The following GRIK4 variants were observed in gnomAD, a reference collection of about 807,000 sequenced individuals.
GRIK4 encodes glutamate ionotropic receptor kainate type subunit 4.
A neutral mutation model predicts 104.9 loss-of-function variants in GRIK4; 40 were observed. That is an observed-to-expected ratio of 0.38 (90% confidence interval 0.30 to 0.50). GRIK4 has a LOEUF of 0.50. Among genes scored for constraint, GRIK4 ranks in the 20% least tolerant of loss-of-function variants. The probability of loss-of-function intolerance (pLI) is 0.93; values close to 1 mark genes in which losing one functional copy is unlikely to be tolerated. For synonymous variants in GRIK4, 485 were observed against 524.9 expected (o/e 0.92, Z 1.04); for missense variants, 1,047 against 1,308.1 (o/e 0.80, Z 3.08).
At chr11:120,837,520 C>T (rs1010949055) in intron 8 of GRIK4, among the ~76,000 whole-genome samples, 1 of 152,156 alleles carries the variant, frequency 6.6e-6, no homozygotes, top group Non-Finnish European at 1.5e-5. Context: ...CTAGCGTGCA[C>T]ATAGATGAAA....
At chr11:120,805,874 C>T (rs1591936412) in intron 4 of GRIK4, among the ~76,000 whole-genome samples, 1 of 152,074 alleles carries the variant, frequency 6.6e-6, no homozygotes, top group African/African-American at 2.4e-5. Context: ...GGAGGAGAGC[C>T]CACAGCTCTG....
chr11:120,713,019 G>A (rs1250620192), intron 3 of GRIK4, among the ~76,000 whole-genome samples: 3 of 152,168 alleles, frequency 2.0e-5, no homozygotes, highest in African/African-American at 7.2e-5. Context: ...GATGAGAGAG[G>A]CAGTGCCCAA....
At chr11:120,636,785 A>G (rs984688126) in intron 1 of GRIK4, among the ~76,000 whole-genome samples, 1 of 152,108 alleles carries the variant, frequency 6.6e-6, no homozygotes, top group Non-Finnish European at 1.5e-5. Flanking sequence ...GTTTGCAGTG[A>G]GCCAAGATCG....
intron 3 of GRIK4, among the ~76,000 whole-genome samples, chr11:120,782,426 C>T (rs1005065612): frequency 6.6e-6 from 1 of 152,052 alleles, no homozygotes; most frequent in Non-Finnish European, 1.5e-5. Context: ...GCTGGGACTA[C>T]AGGCGCCCAC....
intron 1 of GRIK4, among the ~76,000 whole-genome samples, chr11:120,580,354 C>A (rs1948562771): frequency 6.6e-6 from 1 of 151,856 alleles, no homozygotes; most frequent in Admixed American, 6.6e-5. Flanking sequence ...TGGCTCACTG[C>A]AATCTCCACC....
In GRIK4 at chr11:120,874,097, A is replaced by G. The variant is rs1442115313; in HGVS notation, c.938A>G (p.Tyr313Cys). ...TCGGCCCTGCTGTTTGATGCTGTCT[A>G]TGCTGTGGTGACTGCGGTGCAGGAA... ...LSSALLFDAVYAVVTAVQELN... is the reference protein window; with the variant it reads ...LSSALLFDAVCAVVTAVQELN... Residue 313 changes from tyrosine to cysteine, a missense_variant, in exon 10 of 21, where the codon TAT becomes TGT. Physicochemically the swap from Tyr to Cys is radical, Grantham distance 194. This residue lies in a region of GRIK4 where 447 missense variants were observed against 514.9 expected (regional missense o/e 0.87). Transcript: ENST00000527524. 8 of 1,613,066 alleles carry G rather than the reference A, an allele frequency of 5.0e-6. No individual in the cohort carries two copies. Among genetic ancestry groups the G allele is most frequent in the East Asian group, 4.5e-5 (2 of 44,836 alleles).
intron 1 of GRIK4, among the ~76,000 whole-genome samples, chr11:120,614,547 T>G (rs886816778): frequency 2.0e-5 from 3 of 152,288 alleles, no homozygotes; most frequent in South Asian, 4.1e-4. Context: ...CTGGCCAATC[T>G]GAACTACTGC....
At chr11:120,614,899 T>G (rs1274299236) in intron 1 of GRIK4, among the ~76,000 whole-genome samples, 1 of 152,100 alleles carries the variant, frequency 6.6e-6, no homozygotes, top group Admixed American at 6.6e-5. Context: ...CTCGGGAGGC[T>G]GAGGCAGGAG....
At chr11:120,759,113 C>A in intron 3 of GRIK4, among the ~76,000 whole-genome samples, 1 of 152,286 alleles carries the variant, frequency 6.6e-6, no homozygotes, top group East Asian at 1.9e-4. Flanking sequence ...TCCTGTGACA[C>A]TGCTATTTAT....
At chr11:120,877,457 A>C (rs1297651036) in intron 11 of GRIK4, among the ~76,000 whole-genome samples, 2 of 152,154 alleles carry the variant, frequency 1.3e-5, no homozygotes, top group Admixed American at 1.3e-4. Flanking sequence ...TAATTCCCTG[A>C]ATAGGTGAAG....
intron 3 of GRIK4, among the ~76,000 whole-genome samples, chr11:120,666,539 G>A (rs1040845683): frequency 5.3e-5 from 8 of 152,212 alleles, no homozygotes; most frequent in Admixed American, 3.9e-4. Context: ...GTTTTCTTAA[G>A]CATATTGTGA....
intron 1 of GRIK4, among the ~76,000 whole-genome samples, chr11:120,519,192 A>C (rs906068263): frequency 6.6e-6 from 1 of 152,190 alleles, no homozygotes; most frequent in Non-Finnish European, 1.5e-5. Context: ...ATAAGTATTC[A>C]ATGCTTATTA....
chr11:120,908,169 G>A (rs112990561), intron 13 of GRIK4, among the ~76,000 whole-genome samples: 66 of 152,222 alleles, frequency 4.3e-4, no homozygotes, highest in African/African-American at 1.5e-3. Flanking sequence ...GGTGGCCCAG[G>A]GAGGTTAGGT....
chr11:120,907,268 TGGG>T (rs1470023589), intron 13 of GRIK4, among the ~76,000 whole-genome samples: 1 of 152,178 alleles, frequency 6.6e-6, no homozygotes, highest in Non-Finnish European at 1.5e-5. Flanking sequence ...TTGGTCTCCT[TGGG>T]CTGCCTGATG....
chr11:120,838,474 G>A (rs915524868), intron 8 of GRIK4, among the ~76,000 whole-genome samples: 1 of 152,188 alleles, frequency 6.6e-6, no homozygotes, highest in Non-Finnish European at 1.5e-5. Flanking sequence ...GCATGAATGA[G>A]ATCAGCTTTG....
intron 20 of GRIK4, among the ~76,000 whole-genome samples, chr11:120,983,012 C>T (rs1338119155): frequency 6.6e-6 from 1 of 152,112 alleles, no homozygotes; most frequent in African/African-American, 2.4e-5. Flanking sequence ...ATGCGTAGAG[C>T]TTCATTTTAC....
intron 4 of GRIK4, among the ~76,000 whole-genome samples, chr11:120,807,230 T>G (rs1359175661): frequency 6.6e-6 from 1 of 152,230 alleles, no homozygotes; most frequent in Non-Finnish European, 1.5e-5. Flanking sequence ...CTACCTCCTC[T>G]GTTCCTATAG....
Position 120,874,060 on chromosome 11 carries a change from T to C in GRIK4, c.907-6T>C. On this transcript the variant is annotated splice_region_variant and splice_polypyrimidine_tract_variant and intron_variant, in intron 9 of 20. Transcript: ENST00000527524. ...CTCCCTCCGCCTGCTCCCCGGCCTC[T>C]CCCAGCTCTCCTCGGCCCTGCTGTT... 1.2e-6 allele frequency: 2 copies of C among 1,600,250 alleles called. No homozygotes were observed. The highest frequency in any genetic ancestry group is 4.5e-5 in the East Asian group (2 of 44,400).
At chr11:120,825,860 A>T (rs1196278298) in intron 6 of GRIK4, among the ~76,000 whole-genome samples, 1 of 152,220 alleles carries the variant, frequency 6.6e-6, no homozygotes, top group Non-Finnish European at 1.5e-5. Flanking sequence ...AACTCTGCTT[A>T]TGGCAGTGGG....
Sources: allele counts gnomAD v4.1 joint callset (sites outside exome capture counted in the v4.1 genomes callset), GRCh38; gene constraint gnomAD v4.1.1; regional missense constraint gnomAD v4.1.1; transcripts MANE v1.5; gene names NCBI Gene and HGNC (gene_info 2026-07-23, HGNC 2026-07-21).